The following UTP18 variants were observed in gnomAD, a reference collection of about 807,000 sequenced individuals.
The protein encoded by UTP18 is UTP18 small subunit processome component, also known as U3 small nucleolar RNA-associated protein 18 homolog.
UTP18 carries 36 observed loss-of-function variants against 61.1 expected under a neutral mutation model. The ratio of observed to expected loss-of-function variants is 0.59; its 90% CI spans 0.45 to 0.78. The LOEUF (loss-of-function observed/expected upper bound fraction) is 0.78, where lower values mean the gene tolerates loss of function less well. UTP18 is among the 30% of genes least tolerant of loss of function. The pLI, the probability that UTP18 is intolerant of heterozygous loss-of-function variation, is 0.00. For missense variants in UTP18, 753 were observed against 693.9 expected, an observed-to-expected ratio of 1.09 and a Z score of -0.96; for synonymous variants, 282 against 251.1, an observed-to-expected ratio of 1.12 and a Z score of -1.16.
chr17:51,277,620 G>A (rs1479688266), intron 7 of UTP18, among the ~76,000 whole-genome samples: 1 of 152,140 alleles, frequency 6.6e-6, no homozygotes, highest in African/African-American at 2.4e-5. Context: ...GGAGCTAGAA[G>A]ACCTGGATTC....
In UTP18 at chr17:51,273,385, G is replaced by C; in HGVS notation, c.646G>C (p.Asp216His). ...SDDESEEDED[D>H]LLQRTGNFIS... ...AGATGAAAGTGAAGAGGATGAAGAT[G>C]ATTTGTTGCAAAGGACTGGGAATTT... Residue 216 changes from aspartate (D) to histidine (H), a missense_variant, in exon 5 of 14, where the codon GAT (aspartate) becomes CAT (histidine). Coordinates refer to ENST00000225298, the MANE Select transcript of UTP18 (RefSeq NM_016001.3). The C allele has an allele frequency of 1.2e-6, 2 of 1,610,314 alleles. No homozygotes were observed. The highest frequency in any genetic ancestry group is 1.7e-6 in the Non-Finnish European group (2 of 1,178,274).
Position 51,260,946 on chromosome 17 carries a change from G to C in UTP18, c.342+20G>C. ...CCGAGGGTGAGGGAGGCCGCGGCGC[G>C]CGGGCTGGGCGCACTCGGGCGGGGC... is the stretch of plus-strand genomic sequence containing the variant. On this transcript the variant is annotated intron_variant, in intron 1 of 13. Coordinates refer to ENST00000225298, the MANE Select transcript of UTP18 (RefSeq NM_016001.3). The C allele has an allele frequency of 2.0e-6, 3 of 1,505,846 alleles. No homozygotes were observed. The highest frequency in any genetic ancestry group is 2.7e-6 in the Non-Finnish European group (3 of 1,131,134). The allele number at this position is 1,505,846 out of a possible 1,614,324, so 93.3% of individuals were successfully genotyped here.
At chr17:51,278,051 C>G (rs1360069437) in intron 7 of UTP18, among the ~76,000 whole-genome samples, 2 of 152,172 alleles carry the variant, frequency 1.3e-5, no homozygotes, top group Non-Finnish European at 2.9e-5. Context: ...AACCATTTTT[C>G]TACTAGTGGT....
intron 7 of UTP18, among the ~76,000 whole-genome samples, chr17:51,277,846 T>C (rs1363776762): frequency 1.3e-5 from 2 of 152,222 alleles, no homozygotes; most frequent in African/African-American, 4.8e-5. Context: ...ACCCATTCTT[T>C]TCCTATATTT....
intron 10 of UTP18, among the ~76,000 whole-genome samples, chr17:51,285,836 T>A (rs1444522575): frequency 1.3e-5 from 2 of 152,088 alleles, no homozygotes; most frequent in Non-Finnish European, 2.9e-5. Flanking sequence ...CCACTGGGGG[T>A]CTTGGAACAT....
chr17:51,262,783 C>T (rs2055520329), intron 1 of UTP18, among the ~76,000 whole-genome samples: 2 of 152,082 alleles, frequency 1.3e-5, no homozygotes, highest in East Asian at 3.9e-4. Context: ...AACTCCTGGG[C>T]CCAAGCAGTC....
At chr17:51,266,110 AGT>A (rs2055558205) in intron 2 of UTP18, 70 bp from the exon 3 acceptor site, 13 of 1,174,768 alleles carry the variant, frequency 1.1e-5, no homozygotes, top group Non-Finnish European at 1.5e-5. Context: ...TTTTTCTCCA[AGT>A]GCTAAAAGCA....
intron 2 of UTP18, among the ~76,000 whole-genome samples, chr17:51,264,396 T>C (rs1225875968): frequency 1.3e-5 from 2 of 152,172 alleles, no homozygotes; most frequent in African/African-American, 2.4e-5. Context: ...TTATCACCTC[T>C]TTATGTATAA....
chr17:51,267,404 T>C (rs2055571502), intron 3 of UTP18, among the ~76,000 whole-genome samples: 2 of 133,188 alleles, frequency 1.5e-5, no homozygotes, highest in Non-Finnish European at 3.1e-5. Context: ...TGGCATTTAG[T>C]ATATTTAGAA....
chr17:51,261,703 A>G (rs1234928275), intron 1 of UTP18, among the ~76,000 whole-genome samples: 1 of 152,092 alleles, frequency 6.6e-6, no homozygotes, highest in Non-Finnish European at 1.5e-5. Context: ...AAAAAAGGAC[A>G]TTCGGGAAAG....
rs80026188 is a variant in UTP18 at position 51,267,288 on chromosome 17, C to T, written c.554+1008C>T. ...ATTACCTATCTTTTAAGTGTTCAGA[C>T]CTGTTGTCTTGTAGAATATCCCACA... On this transcript the variant is annotated intron_variant, in intron 3 of 13. Coordinates refer to ENST00000225298, the MANE Select transcript of UTP18 (RefSeq NM_016001.3). Among the ~76,000 whole-genome samples the T allele has an allele frequency of 9.6e-3, 1,463 of 152,216 alleles. 16 individuals carry two copies. Among genetic ancestry groups the T allele is most frequent in the Non-Finnish European group, 0.016 (1,096 of 68,010 alleles).
At chr17:51,268,318 G>T (rs531508964) in intron 3 of UTP18, among the ~76,000 whole-genome samples, 2 of 152,270 alleles carry the variant, frequency 1.3e-5, no homozygotes, top group East Asian at 1.9e-4. Context: ...GAGCCATGGC[G>T]CCCGGCCCAG....
intron 12 of UTP18, among the ~76,000 whole-genome samples, chr17:51,295,675 C>G (rs1382571379): frequency 1.3e-5 from 2 of 152,144 alleles, no homozygotes; most frequent in African/African-American, 4.8e-5. Context: ...ATTGACTTGG[C>G]TATGCGGGCT....
At chr17:51,269,741 T>C (rs891136409) in intron 4 of UTP18, among the ~76,000 whole-genome samples, 3 of 152,188 alleles carry the variant, frequency 2.0e-5, no homozygotes, top group African/African-American at 7.2e-5. Flanking sequence ...AGCCATTTGC[T>C]TTTAGAGGTT....
chr17:51,285,450 C>T (rs1905074602), intron 10 of UTP18, 82 bp downstream of exon 10: 13 of 1,498,508 alleles, frequency 8.7e-6, no homozygotes, highest in African/African-American at 1.4e-5. Context: ...CTAGGTGGTG[C>T]ATGAGTAGTT....
At chr17:51,264,687 CTTCT>C (rs1159044672) in intron 2 of UTP18, among the ~76,000 whole-genome samples, 6 of 139,472 alleles carry the variant, frequency 4.3e-5, no homozygotes, top group Non-Finnish European at 7.8e-5. Flanking sequence ...TAGTCATTGT[CTTCT>C]TTTTTTTTTT....
chr17:51,297,699 C>A, intron 13 of UTP18, 83 bp from the exon 14 acceptor site: 1 of 424,338 alleles, frequency 2.4e-6, no homozygotes, highest in Admixed American at 2.9e-5. Context: ...TCTCCTGTCT[C>A]AAAAGATTAC....
intron 11 of UTP18, among the ~76,000 whole-genome samples, chr17:51,289,731 T>C (rs915395075): frequency 1.3e-5 from 2 of 152,212 alleles, no homozygotes; most frequent in African/African-American, 4.8e-5. Context: ...TACTACCAGA[T>C]TGTACGCACT....
At chr17:51,296,368 G>A (rs1169940636) in intron 12 of UTP18, 1 of 152,110 alleles carries the variant, frequency 6.6e-6, no homozygotes, top group African/African-American at 2.4e-5. Context: ...AATGTAAATT[G>A]GTTTTGAGGA....
Sources: allele counts gnomAD v4.1 joint callset (sites outside exome capture counted in the v4.1 genomes callset), GRCh38; gene constraint gnomAD v4.1.1; transcripts MANE v1.5; gene names NCBI Gene and HGNC (gene_info 2026-07-23, HGNC 2026-07-21).